Variants in DLGAP5 observed in about 807,000 individuals in gnomAD.
DLGAP5 encodes the protein disks large-associated protein 5.
Under a neutral mutation model 99.6 loss-of-function variants are expected in DLGAP5, and 90 were observed. That is an observed-to-expected ratio of 0.90 (90% CI 0.76 to 1.08). DLGAP5 has a LOEUF of 1.08. Ranked by LOEUF, DLGAP5 falls within the 50% of genes least tolerant of loss-of-function variation. The pLI is 0.00. For missense variants in DLGAP5, 1,036 were observed against 983.5 expected (o/e 1.05, Z -0.71); for synonymous variants, 311 against 321.3 (o/e 0.97, Z 0.34).
At chr14:55,161,398 T>TAAA (rs372112390) in intron 13 of DLGAP5, among the ~76,000 whole-genome samples, 13 of 133,156 alleles carry the variant, frequency 9.8e-5, no homozygotes, top group Non-Finnish European at 1.7e-4. Flanking sequence ...ACTTTATTAG[T>TAAA]AAAAAAAAAA....
intron 10 of DLGAP5, among the ~76,000 whole-genome samples, chr14:55,174,235 A>G (rs1405705009): frequency 6.6e-6 from 1 of 152,198 alleles, no homozygotes; most frequent in Non-Finnish European, 1.5e-5. Flanking sequence ...AGTCTCCCAT[A>G]GCGCTCCCAG....
intron 12 of DLGAP5, among the ~76,000 whole-genome samples, chr14:55,165,978 T>C (rs1445258865): frequency 6.6e-6 from 1 of 152,146 alleles, no homozygotes; most frequent in East Asian, 1.9e-4. Context: ...TATAATCACT[T>C]TGGAAAATAG....
At chr14:55,165,546 A>C (rs1026534617) in intron 12 of DLGAP5, among the ~76,000 whole-genome samples, 5 of 151,528 alleles carry the variant, frequency 3.3e-5, no homozygotes, top group Non-Finnish European at 7.4e-5. Flanking sequence ...AAAAAACCCC[A>C]AAAAAACCCT....
At chr14:55,177,365 A>C (rs1345083218) in intron 7 of DLGAP5, 29 bp from the exon 8 acceptor site, 1 of 1,545,456 alleles carries the variant, frequency 6.5e-7, no homozygotes, top group Non-Finnish European at 8.7e-7. Context: ...AAGTAGAGTA[A>C]GATTTCTCTC....
intron 18 of DLGAP5, among the ~76,000 whole-genome samples, chr14:55,150,093 T>C (rs1212526611): frequency 4.7e-5 from 7 of 149,976 alleles, no homozygotes; most frequent in Non-Finnish European, 1.0e-4. Context: ...CTGAAACCAA[T>C]GCTATATATA....
In DLGAP5 at chr14:55,169,611, T is replaced by C. The variant is rs755749696; in HGVS notation, c.1388-52A>G. The C allele has an allele frequency of 1.5e-5, 22 of 1,435,636 alleles. No homozygotes were observed. In the South Asian group the frequency reaches 1.7e-4, roughly 11 times the overall value. The allele number at this position is 1,435,636 out of a possible 1,614,324, so 88.9% of individuals were successfully genotyped here. A position where few individuals can be genotyped will look rare whatever the true frequency, so the allele number is the denominator to read the frequency against. On this transcript the variant is annotated intron_variant, in intron 11 of 18. Transcript: ENST00000247191. ...ATTAAAGGACAAAACGGGACATTCA[T>C]TGCAAGTCAGCCCACTGATAAGACT...
At position 55,152,658 on chromosome 14, in the gene DLGAP5, A is replaced by C; in HGVS notation, c.2064-11T>G. 6.3e-7 allele frequency: 1 copy of C among 1,589,132 alleles called. No homozygotes were observed. The highest frequency in any genetic ancestry group is 2.2e-5 in the East Asian group (1 of 44,656). On this transcript the variant is annotated splice_polypyrimidine_tract_variant and intron_variant, in intron 15 of 18. Transcript: ENST00000247191. ...TCTTCTATGCTGCTCCTAAAGAAGAAAAAAAGCAGCATTACACTCATAAAC... is the reference window on the plus strand; with the variant it reads ...TCTTCTATGCTGCTCCTAAAGAAGACAAAAAGCAGCATTACACTCATAAAC...
chr14:55,150,689 AAAC>A (rs1236205864), intron 18 of DLGAP5, 107 bp downstream of exon 18: 6 of 851,428 alleles, frequency 7.0e-6, no homozygotes, highest in East Asian at 3.2e-5. Context: ...TGAGTAAGCA[AAAC>A]AATGACAAGA....
At chr14:55,154,836 C>T in intron 14 of DLGAP5, 30 bp from the exon 15 acceptor site, 1 of 1,580,716 alleles carries the variant, frequency 6.3e-7, no homozygotes, top group Non-Finnish European at 8.6e-7. Flanking sequence ...ACCTCAATAC[C>T]AAATAGTTCT....
intron 11 of DLGAP5, 78 bp from the exon 12 acceptor site, chr14:55,169,637 T>G: frequency 1.6e-6 from 2 of 1,286,568 alleles, no homozygotes; most frequent in Non-Finnish European, 2.1e-6. Context: ...TGATAAGACT[T>G]CACTCCAAAC....
intron 17 of DLGAP5, 48 bp downstream of exon 17, chr14:55,151,647 T>C: frequency 6.4e-7 from 1 of 1,565,558 alleles, no homozygotes; most frequent in South Asian, 1.2e-5. Flanking sequence ...TTAATCCAAG[T>C]TCATTTCTTT....
chr14:55,150,825 T>A lies in DLGAP5; in HGVS notation c.2392A>T (p.Thr798Ser). ...GAATCAAGAAGGTGGCATTCAGTAG[T>A]GAGACTTTTATTATCAAATAGTTCT... ...QSELFDNKSL[T>S]TECHLLDSPG... Residue 798 changes from threonine (T) to serine (S), a missense_variant, in exon 18 of 19, where the codon ACT becomes TCT. Thr to Ser is a moderately conservative substitution (Grantham distance 58). Coordinates refer to ENST00000247191, the MANE Select transcript of DLGAP5 (RefSeq NM_014750.5). 1 of 1,583,918 alleles carries A rather than the reference T, an allele frequency of 6.3e-7. No individual in the cohort carries two copies. Among genetic ancestry groups the A allele is most frequent in the Non-Finnish European group, 8.5e-7 (1 of 1,170,826 alleles).
At chr14:55,185,238 C>T (rs1294835538) in intron 2 of DLGAP5, among the ~76,000 whole-genome samples, 1 of 152,206 alleles carries the variant, frequency 6.6e-6, no homozygotes, top group African/African-American at 2.4e-5. Context: ...CTCGCACTGT[C>T]GCCTTGGCTG....
In DLGAP5 at chr14:55,149,048, T is replaced by C. The variant is rs149029604; in HGVS notation, c.2419-575A>G. On this transcript the variant is annotated intron_variant, in intron 18 of 18. Transcript: ENST00000247191. The stretch of plus-strand genomic sequence containing the variant: ...CAAATTATGCTACTGGGGCAACCAA[T>C]AATTTGGGTCTAAAATAGACATCTA... Among the ~76,000 whole-genome samples, 8 of 152,306 alleles carry C rather than the reference T, an allele frequency of 5.3e-5. No homozygotes were observed. In the East Asian group the frequency reaches 1.3e-3, roughly 26 times the overall value.
chr14:55,158,368 G>A (rs912160514), intron 14 of DLGAP5, among the ~76,000 whole-genome samples, 154 bp downstream of exon 14: 6 of 152,110 alleles, frequency 3.9e-5, no homozygotes, highest in Non-Finnish European at 7.4e-5. Context: ...GTTTGTGAGC[G>A]AGCATAGTCT....
chr14:55,176,007 T>C lies in DLGAP5; in HGVS notation c.1061A>G (p.Gln354Arg). Residue 354 changes from glutamine (Q) to arginine (R), a missense_variant, in exon 9 of 19, where the codon CAA (glutamine) becomes CGA (arginine). Coordinates refer to ENST00000247191, the MANE Select transcript of DLGAP5 (RefSeq NM_014750.5). ...TTGTGCCAAAATTTCTTTTGTTGCT[T>C]GAGACTCATCACTAAAAACAATAGC... ...TPLKTEVDES[Q>R]ATKEILAQKC... 1 of 1,606,074 alleles carries C rather than the reference T, an allele frequency of 6.2e-7. No homozygotes were observed. The highest frequency in any genetic ancestry group is 8.5e-7 in the Non-Finnish European group (1 of 1,175,402).
chr14:55,166,382 G>A (rs1882642449), intron 12 of DLGAP5, among the ~76,000 whole-genome samples: 1 of 152,170 alleles, frequency 6.6e-6, no homozygotes. Flanking sequence ...CCTAGGTCTA[G>A]GAGTAGAAAT....
rs1284472189 is a variant in DLGAP5 at position 55,154,685 on chromosome 14, A to T, written c.1995T>A (p.Asn665Lys). The T allele has an allele frequency of 6.2e-7, 1 of 1,614,086 alleles. No homozygotes were observed. Among genetic ancestry groups the T allele is most frequent in the Admixed American group, 1.7e-5 (1 of 60,016 alleles). The change falls in exon 15 of 19, where the codon AAT (asparagine) becomes AAA (lysine). Residue 665 changes from asparagine to lysine, a missense_variant. Physicochemically the swap from Asn to Lys is moderately conservative, Grantham distance 94. Coordinates refer to ENST00000247191, the MANE Select transcript of DLGAP5 (RefSeq NM_014750.5). Reference protein sequence around the residue: ...GIPQQTTSPENAGPQNTKSEH... With the variant: ...GIPQQTTSPEKAGPQNTKSEH... ...CACTTTTCGTATTCTGAGGACCGGC[A>T]TTTTCTGGTGATGTAGTTTGTTGTG... is the stretch of plus-strand genomic sequence containing the variant.
chr14:55,167,895 A>G (rs1882700178), intron 12 of DLGAP5, among the ~76,000 whole-genome samples: 1 of 152,172 alleles, frequency 6.6e-6, no homozygotes, highest in Non-Finnish European at 1.5e-5. Flanking sequence ...TTTATCCCAG[A>G]GTTACATAAC....
Sources: gnomAD v4.1 joint callset for allele counts (sites outside exome capture counted in the v4.1 genomes callset) on GRCh38, gnomAD v4.1.1 for gene constraint, MANE v1.5 for transcripts, NCBI Gene and HGNC (gene_info 2026-07-23, HGNC 2026-07-21) for gene names.